The following XYLT1 variants were observed in gnomAD, a reference collection of about 807,000 sequenced individuals.
XYLT1 encodes the protein xylosyltransferase 1.
A neutral mutation model predicts 91.3 loss-of-function variants in XYLT1; 36 were observed. The observed-to-expected ratio is 0.39, with a 90% CI of 0.30 to 0.52. XYLT1 has a LOEUF of 0.52. XYLT1 is among the 20% of genes least tolerant of loss of function. The pLI, the probability that XYLT1 is intolerant of heterozygous loss-of-function variation, is 0.68. For missense variants in XYLT1, 1,242 were observed against 1,284.5 expected (o/e 0.97, Z 0.51); for synonymous variants, 588 against 532.0 (o/e 1.11, Z -1.45).
intron 4 of XYLT1, among the ~76,000 whole-genome samples, chr16:17,198,767 C>G (rs114211560): frequency 6.6e-6 from 1 of 152,012 alleles, no homozygotes; most frequent in African/African-American, 2.4e-5. Context: ...TTTACTTAGA[C>G]AGAGTCTCGC....
intron 2 of XYLT1, among the ~76,000 whole-genome samples, chr16:17,263,584 A>G (rs2033755652): frequency 6.6e-6 from 1 of 151,782 alleles, no homozygotes; most frequent in African/African-American, 2.4e-5. Flanking sequence ...GCTTCCAGAA[A>G]AGTCAGAGAG....
chr16:17,198,176 C>T, intron 5 of XYLT1, 36 bp downstream of exon 5: 1 of 1,611,746 alleles, frequency 6.2e-7, no homozygotes, highest in Non-Finnish European at 8.5e-7. Flanking sequence ...AGCAGGACGT[C>T]AGACAAGACT....
chr16:17,248,207 A>G (rs544866928), intron 3 of XYLT1, among the ~76,000 whole-genome samples: 19 of 152,252 alleles, frequency 1.2e-4, no homozygotes, highest in Non-Finnish European at 2.2e-4. Flanking sequence ...CTCCCTGCAC[A>G]AGCTCTTTCT....
chr16:17,351,731 C>T (rs11860755), intron 2 of XYLT1, among the ~76,000 whole-genome samples: 1,868 of 140,284 alleles, frequency 0.013, 36 homozygotes, highest in African/African-American at 0.052. Context: ...CCACTACTGA[C>T]ATTTGAGGCT....
At chr16:17,176,739 G>A (rs1358024058) in intron 5 of XYLT1, among the ~76,000 whole-genome samples, 2 of 151,974 alleles carry the variant, frequency 1.3e-5, no homozygotes, top group Non-Finnish European at 2.9e-5. Context: ...TAGCCTGGTG[G>A]AAAGTAATTA....
Position 17,327,219 on chromosome 16 carries a change from A to G in XYLT1, c.402+30793T>C, listed in dbSNP as rs573316278. 2.0e-5 allele frequency among the ~76,000 whole-genome samples: 3 copies of G among 152,310 alleles called. No individual in the cohort carries two copies. In the East Asian group the frequency reaches 5.8e-4, roughly 29 times the overall value. On this transcript the variant is annotated intron_variant, in intron 2 of 11. Transcript: ENST00000261381. ...ATATTCCAACTAAACGTTTTAAATT[A>G]TTTTTTAAAAAGTGTTTGAGAGGCC...
intron 1 of XYLT1, among the ~76,000 whole-genome samples, chr16:17,469,486 G>A (rs2036948343): frequency 6.6e-6 from 1 of 152,220 alleles, no homozygotes; most frequent in Non-Finnish European, 1.5e-5. Flanking sequence ...TCAGTAGGCT[G>A]GGCAAGGCAG....
rs1284189788 is a variant in XYLT1, at chr16:17,141,228, T to C, written c.1512A>G (p.Glu504=). The change falls in exon 7 of 12, where the codon GAA becomes GAG. Residue 504 remains glutamate (E), a synonymous_variant. Transcript: ENST00000261381. The part of the protein sequence containing the change: ...DWFLLNRRFV[E]YVTFSTDDLV... ...GATCGTCTGTGGAGAAGGTCACATATTCTACAAACCTCCGGTTCAGCAGGA... is the reference window on the plus strand; with the variant it reads ...GATCGTCTGTGGAGAAGGTCACATACTCTACAAACCTCCGGTTCAGCAGGA... The C allele has an allele frequency of 2.5e-6, 4 of 1,614,228 alleles. No homozygotes were observed. Among genetic ancestry groups the C allele is most frequent in the Non-Finnish European group, 3.4e-6 (4 of 1,180,044 alleles).
chr16:17,266,850 G>A (rs1037035613), intron 2 of XYLT1, among the ~76,000 whole-genome samples: 2 of 152,208 alleles, frequency 1.3e-5, no homozygotes, highest in African/African-American at 2.4e-5. Context: ...AAGGACCTCC[G>A]TGCCAGGGTA....
At chr16:17,163,536 AC>A (rs1253624091) in intron 5 of XYLT1, among the ~76,000 whole-genome samples, 1 of 152,196 alleles carries the variant, frequency 6.6e-6, no homozygotes, top group African/African-American at 2.4e-5. Flanking sequence ...ATGCCCCAGA[AC>A]CCCTTCCCGA....
intron 2 of XYLT1, among the ~76,000 whole-genome samples, chr16:17,306,262 T>C (rs184456109): frequency 2.4e-4 from 37 of 151,984 alleles, no homozygotes; most frequent in Non-Finnish European, 1.6e-4. Context: ...AGCGAGAACA[T>C]TGGGAGAGAG....
intron 6 of XYLT1, among the ~76,000 whole-genome samples, chr16:17,156,335 C>T (rs529401198): frequency 2.0e-5 from 3 of 152,346 alleles, no homozygotes; most frequent in Admixed American, 1.3e-4. Context: ...CAAGTTGATA[C>T]ATTTACAATG....
At chr16:17,234,256 C>T (rs1464653741) in intron 3 of XYLT1, among the ~76,000 whole-genome samples, 1 of 152,154 alleles carries the variant, frequency 6.6e-6, no homozygotes, top group Non-Finnish European at 1.5e-5. Context: ...GCCTTCTGCA[C>T]CCAAGTCATC....
intron 1 of XYLT1, among the ~76,000 whole-genome samples, chr16:17,455,245 C>T (rs1383525102): frequency 1.3e-5 from 2 of 152,102 alleles, no homozygotes; most frequent in East Asian, 3.9e-4. Context: ...GGGCGTGATC[C>T]CTTTCTGGAG....
chr16:17,261,042 T>C (rs932907367), intron 2 of XYLT1, among the ~76,000 whole-genome samples: 2 of 152,066 alleles, frequency 1.3e-5, no homozygotes, highest in African/African-American at 2.4e-5. Context: ...GAGACCAGCC[T>C]GGTCAACATG....
intron 2 of XYLT1, among the ~76,000 whole-genome samples, chr16:17,327,502 A>G (rs1423385061): frequency 6.7e-6 from 1 of 148,828 alleles, no homozygotes; most frequent in Non-Finnish European, 1.5e-5. Flanking sequence ...AGCTGGGACT[A>G]CAGGCACCCA....
At chr16:17,246,348 G>T (rs1326095541) in intron 3 of XYLT1, among the ~76,000 whole-genome samples, 1 of 152,190 alleles carries the variant, frequency 6.6e-6, no homozygotes, top group Non-Finnish European at 1.5e-5. Flanking sequence ...CTTTCTGGCT[G>T]CAGAGATGGA....
rs71137969 is a variant in XYLT1 at position 17,115,800 on chromosome 16, TAAAAAA to T, written c.2557+1840_2557+1845del. 6.4e-4 allele frequency among the ~76,000 whole-genome samples: 32 copies of T among 50,338 alleles called. 1 individual carries two copies. The highest frequency in any genetic ancestry group is 1.7e-3 in the Admixed American group (5 of 2,892). The allele number at this position is 50,338 out of a possible 152,430, so 33.0% of individuals were successfully genotyped here. On this transcript the variant is annotated intron_variant, in intron 11 of 11. Transcript: ENST00000261381. ...GGCACCCAGCCAACCTCTGTTATAT[TAAAAAA>T]AAAAAAAAAAAAAAAAAAAGACTTT...
intron 9 of XYLT1, 52 bp downstream of exon 9, chr16:17,134,421 G>C: frequency 6.2e-7 from 1 of 1,600,426 alleles, no homozygotes; most frequent in Non-Finnish European, 8.5e-7. Flanking sequence ...TGTACCCTGA[G>C]CCTCCCCTCC....
Sources: gnomAD v4.1 joint callset for allele counts (sites outside exome capture counted in the v4.1 genomes callset) on GRCh38, gnomAD v4.1.1 for gene constraint, MANE v1.5 for transcripts, NCBI Gene and HGNC (gene_info 2026-07-23, HGNC 2026-07-21) for gene names.